The following CYP3A5 variants were observed in gnomAD, a reference collection of about 807,000 sequenced individuals.
The protein encoded by CYP3A5 is cytochrome P450 family 3 subfamily A member 5.
Under a neutral mutation model 55.9 loss-of-function variants are expected in CYP3A5, and 51 were observed. The ratio of observed to expected loss-of-function variants is 0.91; its 90% CI spans 0.73 to 1.15. CYP3A5 has a LOEUF of 1.15. Ranked by LOEUF, CYP3A5 falls within the 50% of genes most tolerant of loss-of-function variation. The pLI is 0.00. For synonymous variants in CYP3A5, 196 were observed against 213.9 expected (o/e 0.92, Z 0.73); for missense variants, 533 against 596.6 (o/e 0.89, Z 1.11).
rs1809022473 is a variant in CYP3A5 at position 99,650,098 on chromosome 7, G to A, written c.1388C>T (p.Ser463Phe). 6.2e-7 allele frequency: 1 copy of A among 1,614,014 alleles called. No individual in the cohort carries two copies. Among genetic ancestry groups the A allele is most frequent in the African/African-American group, 1.3e-5 (1 of 74,932 alleles). Residue 463 changes from serine to phenylalanine, a missense_variant, in exon 12 of 13, where the codon TCC (serine) becomes TTC (phenylalanine). Ser to Phe is a radical substitution (Grantham distance 155, BLOSUM62 -2). Coordinates refer to ENST00000222982, the MANE Select transcript of CYP3A5 (RefSeq NM_000777.5). ...CTGTGTTTCTTTACAAGGTTTGAAG[G>A]AGAAGTTCTGAAGGACTCTGATTAG... is the stretch of plus-strand genomic sequence containing the variant. ...LALIRVLQNFSFKPCKETQIP... is the reference protein window; with the variant it reads ...LALIRVLQNFFFKPCKETQIP...
In CYP3A5 at chr7:99,652,778, G is replaced by A. The variant is rs1226533356; in HGVS notation, c.1028C>T (p.Ala343Val). ...TACCACGGCATCATAGGTAGGTGGTGCCTGGAAGGAAAGAAACAGAATTGG... is the reference window on the plus strand; with the variant it reads ...TACCACGGCATCATAGGTAGGTGGTACCTGGAAGGAAAGAAACAGAATTGG... ...KEIDAVLPNK[A>V]PPTYDAVVQM... The change falls in exon 11 of 13, where the codon GCA becomes GTA. Residue 343 changes from alanine (A) to valine (V), a missense_variant and splice_region_variant. Ala to Val is a moderately conservative substitution (Grantham distance 64). Coordinates refer to ENST00000222982, the MANE Select transcript of CYP3A5 (RefSeq NM_000777.5). The A allele has an allele frequency of 6.2e-7, 1 of 1,611,698 alleles. No homozygotes were observed. Among genetic ancestry groups the A allele is most frequent in the Non-Finnish European group, 8.5e-7 (1 of 1,178,316 alleles).
chr7:99,663,335 A>C (rs1451791260), intron 8 of CYP3A5: 4 of 995,070 alleles, frequency 4.0e-6, no homozygotes, highest in Non-Finnish European at 4.8e-6. Context: ...ATATTCCAAC[A>C]TTCTCAAACT....
chr7:99,652,420 C>A, intron 11 of CYP3A5, 133 bp downstream of exon 11: 576 of 548,286 alleles, frequency 1.1e-3, no homozygotes, highest in Middle Eastern at 2.0e-3. Context: ...TGATAATTAT[C>A]ACTTTTTTGT....
intron 10 of CYP3A5, among the ~76,000 whole-genome samples, chr7:99,657,395 G>C (rs914376294): frequency 1.3e-5 from 2 of 152,198 alleles, no homozygotes; most frequent in Non-Finnish European, 2.9e-5. Flanking sequence ...GAGCGGTTTT[G>C]AGTGAGTTTC....
At chr7:99,665,378 C>A in intron 6 of CYP3A5, 64 bp from the exon 7 acceptor site, 1 of 1,586,256 alleles carries the variant, frequency 6.3e-7, no homozygotes, top group Non-Finnish European at 8.6e-7. Flanking sequence ...ACTATACATG[C>A]AGCAAGAAAC....
chr7:99,664,307 A>G lies in CYP3A5; in HGVS notation c.671-212T>C, dbSNP rs375087425. On this transcript the variant is annotated intron_variant, in intron 7 of 12. Transcript: ENST00000222982. Reference sequence around the variant, plus strand: ...AAACACCACTACAGCAGTGAGATCAATGGCACCTTCTGAGTCTTTGGAGTG... The same window carrying G: ...AAACACCACTACAGCAGTGAGATCAGTGGCACCTTCTGAGTCTTTGGAGTG... 3.3e-4 allele frequency among the ~76,000 whole-genome samples: 51 copies of G among 152,344 alleles called. No homozygotes were observed. In the East Asian group the frequency reaches 4.6e-3, roughly 14 times the overall value.
At chr7:99,676,449 C>T in intron 1 of CYP3A5, 3 of 1,453,066 alleles carry the variant, frequency 2.1e-6, no homozygotes, top group Non-Finnish European at 2.8e-6. Context: ...AGTCCCAATC[C>T]TGGAGTGAAT....
rs1811049839 is a variant in CYP3A5, at chr7:99,666,635, C to T, written c.487G>A (p.Glu163Lys). Residue 163 changes from glutamate to lysine, a missense_variant, in exon 6 of 13, where the codon GAA becomes AAA. Coordinates refer to ENST00000222982, the MANE Select transcript of CYP3A5 (RefSeq NM_000777.5). ...GTGACAGGCTTGCCTTTCTCTGCTTCCCGCCTCAAGTTTCTCACCAATACA... is the reference window on the plus strand; with the variant it reads ...GTGACAGGCTTGCCTTTCTCTGCTTTCCGCCTCAAGTTTCTCACCAATACA... Reference protein sequence around the residue: ...GDVLVRNLRREAEKGKPVTLK... With the variant: ...GDVLVRNLRRKAEKGKPVTLK... 1.9e-6 allele frequency: 3 copies of T among 1,613,892 alleles called. No homozygotes were observed. In the African/African-American group the frequency reaches 4.0e-5, roughly 22 times the overall value.
rs2151416084 is a variant in CYP3A5, at chr7:99,663,966, A to G, written c.798+2T>C. The G allele has an allele frequency of 2.5e-6, 4 of 1,581,504 alleles. No homozygotes were observed. The highest frequency in any genetic ancestry group is 2.3e-5 in the East Asian group (1 of 44,372). ...CGTCATTTAACCACCATCAGATTTT[A>G]CCTTTTGTTTGTCGTTGAGGCGACT... On this transcript the variant is annotated splice_donor_variant, in intron 8 of 12. Transcript: ENST00000222982. LOFTEE classifies it high-confidence loss of function.
chr7:99,669,208 G>A (rs941060724), intron 4 of CYP3A5, among the ~76,000 whole-genome samples: 4 of 152,164 alleles, frequency 2.6e-5, no homozygotes, highest in African/African-American at 7.2e-5. Flanking sequence ...GGCAAATAGC[G>A]AAGCACTCTG....
chr7:99,655,482 C>T (rs1809618967), intron 10 of CYP3A5, among the ~76,000 whole-genome samples: 1 of 152,126 alleles, frequency 6.6e-6, no homozygotes, highest in Non-Finnish European at 1.5e-5. Context: ...GTTACTGTAG[C>T]CTTGTAGTAT....
intron 4 of CYP3A5, among the ~76,000 whole-genome samples, chr7:99,672,271 C>T (rs1584466522): frequency 2.6e-5 from 4 of 152,188 alleles, no homozygotes; most frequent in Non-Finnish European, 4.4e-5. Context: ...AGGCTGATCT[C>T]GAACTCCTGA....
chr7:99,650,686 C>T (rs1397720324), intron 11 of CYP3A5, among the ~76,000 whole-genome samples: 1 of 152,020 alleles, frequency 6.6e-6, no homozygotes, highest in East Asian at 1.9e-4. Context: ...CTTCTCCTGT[C>T]ATCTCTTTTT....
intron 10 of CYP3A5, among the ~76,000 whole-genome samples, chr7:99,654,261 G>A (rs967793738): frequency 3.9e-5 from 6 of 151,934 alleles, no homozygotes; most frequent in Non-Finnish European, 5.9e-5. Context: ...GCCCCAGTGT[G>A]TGATATTCCC....
At chr7:99,655,566 T>G (rs1451044776) in intron 10 of CYP3A5, among the ~76,000 whole-genome samples, 4 of 152,238 alleles carry the variant, frequency 2.6e-5, no homozygotes, top group Non-Finnish European at 4.4e-5. Context: ...ATGCGGGCTC[T>G]TTTTTGGTTC....
chr7:99,652,848 A>G (rs1260708504), intron 10 of CYP3A5, 69 bp from the exon 11 acceptor site: 2 of 1,172,086 alleles, frequency 1.7e-6, no homozygotes, highest in Non-Finnish European at 1.2e-6. Context: ...TCCATGCAGT[A>G]CTATTGAAGT....
rs1208892088 is a variant in CYP3A5 at position 99,660,529 on chromosome 7, T to C, written c.996A>G (p.Gln332=). ...ATHPDVQQKL[Q]KEIDAVLPNK... is the part of the protein sequence containing the mutation. Reference sequence around the variant, plus strand: ...TGGGCAAAACTGCATCAATCTCCTTTTGCAGTTTCTGCTGGACATCAGGGT... The same window carrying C: ...TGGGCAAAACTGCATCAATCTCCTTCTGCAGTTTCTGCTGGACATCAGGGT... The change falls in exon 10 of 13, where the codon CAA becomes CAG. Residue 332 remains glutamine, a synonymous_variant. Transcript: ENST00000222982. The C allele has an allele frequency of 6.2e-7, 1 of 1,613,626 alleles. No individual in the cohort carries two copies.
rs1338985666 is a variant in CYP3A5, at chr7:99,653,266, C to A, written c.1027-487G>T. The stretch of plus-strand genomic sequence containing the variant: ...AGGAGTTTGAGACCAGCTTGGGAAA[C>A]ATGGTGAAAACCCATCTCTACAAAA... On this transcript the variant is annotated intron_variant, in intron 10 of 12. Coordinates refer to ENST00000222982, the MANE Select transcript of CYP3A5 (RefSeq NM_000777.5). This position sits in a 1 kb window ranked among gnomAD's most constrained non-coding sequence, Gnocchi z 4.2. 6.6e-6 allele frequency among the ~76,000 whole-genome samples: 1 copy of A among 152,106 alleles called. No individual in the cohort carries two copies. Among genetic ancestry groups the A allele is most frequent in the African/African-American group, 2.4e-5 (1 of 41,424 alleles).
chr7:99,655,526 T>C (rs1809626631), intron 10 of CYP3A5, among the ~76,000 whole-genome samples: 1 of 152,222 alleles, frequency 6.6e-6, no homozygotes, highest in South Asian at 2.1e-4. Context: ...GCCTCCGGCT[T>C]TGTTCTTTTG....
Sources: allele counts gnomAD v4.1 joint callset (sites outside exome capture counted in the v4.1 genomes callset), GRCh38; gene constraint gnomAD v4.1.1; non-coding constraint Gnocchi (gnomAD v3.1); transcripts MANE v1.5; gene names NCBI Gene and HGNC (gene_info 2026-07-23, HGNC 2026-07-21).